The following LRRC17 variants were observed in gnomAD, a reference collection of about 807,000 sequenced individuals.
LRRC17 encodes leucine rich repeat containing 17.
Under a neutral mutation model 41.5 loss-of-function variants are expected in LRRC17, and 33 were observed. The ratio of observed to expected loss-of-function variants is 0.80; its 90% CI spans 0.60 to 1.06. LRRC17 has a LOEUF of 1.06. LRRC17 is among the 50% of genes least tolerant of loss of function. The probability of loss-of-function intolerance (pLI) is 0.00; values close to 1 mark genes in which losing one functional copy is unlikely to be tolerated. For missense variants in LRRC17, 491 were observed against 519.3 expected, an observed-to-expected ratio of 0.95 and a Z score of 0.53; for synonymous variants, 192 against 197.0, an observed-to-expected ratio of 0.97 and a Z score of 0.21.
chr7:102,931,818 T>C, intron 1 of LRRC17: 1 of 1,478,670 alleles, frequency 6.8e-7, no homozygotes, highest in South Asian at 1.2e-5. Context: ...TTCTGCATAT[T>C]GGCACCCCAA....
At chr7:102,925,702 G>A (rs538880278) in intron 1 of LRRC17, among the ~76,000 whole-genome samples, 5 of 152,072 alleles carry the variant, frequency 3.3e-5, no homozygotes, top group Non-Finnish European at 5.9e-5. Flanking sequence ...AGCGCTTTGG[G>A]AGGCCCAGGC....
chr7:102,938,189 T>G (rs543072101), intron 2 of LRRC17, among the ~76,000 whole-genome samples: 2 of 152,352 alleles, frequency 1.3e-5, no homozygotes, highest in African/African-American at 4.8e-5. Flanking sequence ...GTCAGAGTTT[T>G]TAAACTGCTT....
At chr7:102,930,005 G>A (rs1818883203) in intron 1 of LRRC17, among the ~76,000 whole-genome samples, 1 of 152,098 alleles carries the variant, frequency 6.6e-6, no homozygotes, top group Admixed American at 6.6e-5. Context: ...ATGAACAGGT[G>A]TTAGCCAGTT....
intron 1 of LRRC17, among the ~76,000 whole-genome samples, chr7:102,917,231 A>G (rs1816071019): frequency 6.6e-6 from 1 of 152,178 alleles, no homozygotes; most frequent in Non-Finnish European, 1.5e-5. Context: ...TGTCTGCCCC[A>G]CTTTGATAGG....
intron 1 of LRRC17, chr7:102,926,419 C>G (rs776054935): frequency 1.2e-5 from 18 of 1,466,166 alleles, no homozygotes; most frequent in East Asian, 9.4e-5. Flanking sequence ...TTATAGCAGG[C>G]TTTGCAATTT....
rs755075837 is a variant in LRRC17, at chr7:102,934,081, G to C, written c.168G>C (p.Val56=). 6.2e-7 allele frequency: 1 copy of C among 1,614,178 alleles called. No homozygotes were observed. The highest frequency in any genetic ancestry group is 2.2e-5 in the East Asian group (1 of 44,884). Residue 56 remains valine (V), a synonymous_variant, in exon 2 of 4, where the codon GTG becomes GTC. Coordinates refer to ENST00000339431, the MANE Select transcript of LRRC17 (RefSeq NM_001031692.3). ...KRYAPGLPCD[V]YTYLHEKYLD... is the part of the protein sequence containing the mutation. The stretch of plus-strand genomic sequence containing the variant: ...ACGCACCAGGCCTCCCGTGTGACGT[G>C]TACACATATCTCCATGAGAAATACT...
intron 1 of LRRC17, among the ~76,000 whole-genome samples, chr7:102,925,940 C>CAAAA (rs66682276): frequency 2.0e-5 from 2 of 101,024 alleles, no homozygotes; most frequent in Non-Finnish European, 2.1e-5. Flanking sequence ...GACTCTGTCT[C>CAAAA]AAAAAAAAAA....
intron 3 of LRRC17, among the ~76,000 whole-genome samples, chr7:102,942,778 G>T (rs1456988500): frequency 6.6e-6 from 1 of 152,078 alleles, no homozygotes; most frequent in Admixed American, 6.6e-5. Context: ...CAGATAATAT[G>T]AAAATAGTTA....
chr7:102,918,083 G>C (rs975771241), intron 1 of LRRC17, among the ~76,000 whole-genome samples: 1 of 152,150 alleles, frequency 6.6e-6, no homozygotes, highest in Non-Finnish European at 1.5e-5. Context: ...TAAAAGCAAT[G>C]AAGAGAGAAT....
At chr7:102,926,186 G>C (rs78166783) in intron 1 of LRRC17, 14 of 1,053,098 alleles carry the variant, frequency 1.3e-5, no homozygotes, top group Admixed American at 2.2e-5. Context: ...TTGATAAAGG[G>C]AGCACTGCCC....
intron 1 of LRRC17, among the ~76,000 whole-genome samples, chr7:102,918,778 CA>C (rs939751252): frequency 6.6e-6 from 1 of 151,954 alleles, no homozygotes; most frequent in Non-Finnish European, 1.5e-5. Context: ...CAAAACAAAA[CA>C]AAAAAATGGC....
At chr7:102,944,139 T>G (rs892231645) in intron 3 of LRRC17, 71 bp from the exon 4 acceptor site, 1 of 1,187,934 alleles carries the variant, frequency 8.4e-7, no homozygotes, top group Non-Finnish European at 1.2e-6. Context: ...AAATTTGTAT[T>G]TGTCCTTTCC....
chr7:102,934,600 AC>A lies in LRRC17; in HGVS notation c.692del (p.Pro231GlnfsTer29), dbSNP rs757868779. The A allele has an allele frequency of 1.6e-5, 26 of 1,613,782 alleles. No individual in the cohort carries two copies. Among genetic ancestry groups the A allele is most frequent in the Non-Finnish European group, 2.2e-5 (26 of 1,179,900 alleles). ...ACCCGAAACCCCAAGTGTCAGGGAG[AC>A]CCCCAGTCATCAAGCCTGAGGTGGA... ...LDPKPQVSGRPPVIKPEVDST... is the reference protein window; with the variant it reads ...LDPKPQVSGRXPVIKPEVDST... On this transcript the variant is annotated frameshift_variant, in exon 2 of 4. Coordinates refer to ENST00000339431, the MANE Select transcript of LRRC17 (RefSeq NM_001031692.3). LOFTEE classifies it high-confidence loss of function.
chr7:102,913,254 C>G (rs761398304), intron 1 of LRRC17, 109 bp downstream of exon 1: 11 of 1,610,562 alleles, frequency 6.8e-6, no homozygotes, highest in East Asian at 4.5e-5. Context: ...TATTATACTT[C>G]CGTTGTTCTC....
At chr7:102,920,438 C>T (rs1029595949) in intron 1 of LRRC17, among the ~76,000 whole-genome samples, 2 of 151,956 alleles carry the variant, frequency 1.3e-5, no homozygotes, top group Admixed American at 1.3e-4. Flanking sequence ...GCAGCCTCAA[C>T]CTCTGTGCTC....
intron 1 of LRRC17, among the ~76,000 whole-genome samples, chr7:102,916,121 T>C (rs1378463353): frequency 1.3e-5 from 2 of 152,056 alleles, no homozygotes; most frequent in Non-Finnish European, 2.9e-5. Context: ...GTAGCTGGGA[T>C]TACAGGCACC....
intron 1 of LRRC17, chr7:102,932,948 T>C (rs952825289): frequency 6.6e-6 from 1 of 152,250 alleles, no homozygotes; most frequent in Non-Finnish European, 1.5e-5. Flanking sequence ...ATCAAGGAGA[T>C]ATAGCAGTTA....
Position 102,941,505 on chromosome 7 carries a change from C to T in LRRC17, c.928+1920C>T, listed in dbSNP as rs78950262. Among the ~76,000 whole-genome samples, 897 of 152,234 alleles carry T rather than the reference C, an allele frequency of 5.9e-3. 2 individuals carry two copies. Among genetic ancestry groups the T allele is most frequent in the African/African-American group, 0.02 (834 of 41,518 alleles). On this transcript the variant is annotated intron_variant, in intron 3 of 3. Transcript: ENST00000339431. ...TGAGTAATAATAAAACTCTGGTCTCCCGCACAGCCAGCTCTGCATGAATTA... is the reference window on the plus strand; with the variant it reads ...TGAGTAATAATAAAACTCTGGTCTCTCGCACAGCCAGCTCTGCATGAATTA...
intron 1 of LRRC17, among the ~76,000 whole-genome samples, chr7:102,922,735 G>T (rs1225389426): frequency 6.6e-6 from 1 of 152,134 alleles, no homozygotes; most frequent in African/African-American, 2.4e-5. Flanking sequence ...CACTTTGGGA[G>T]GCCGAGGCGG....
Sources: allele counts gnomAD v4.1 joint callset (sites outside exome capture counted in the v4.1 genomes callset), GRCh38; gene constraint gnomAD v4.1.1; transcripts MANE v1.5; gene names NCBI Gene and HGNC (gene_info 2026-07-23, HGNC 2026-07-21).